ARHGEF6: variants seen among roughly 807,000 people sequenced by gnomAD.
The protein encoded by ARHGEF6 is Rac/Cdc42 guanine nucleotide exchange factor 6, also known as rho guanine nucleotide exchange factor 6.
A neutral mutation model predicts 70.3 loss-of-function variants in ARHGEF6; 9 were observed. The observed-to-expected ratio is 0.13, with a 90% CI of 0.08 to 0.22. ARHGEF6 has a LOEUF of 0.22. ARHGEF6 is among the 10% of genes least tolerant of loss of function. ARHGEF6 has a pLI of 1.00. For synonymous variants in ARHGEF6, 201 were observed against 207.8 expected, an observed-to-expected ratio of 0.97 and a Z score of 0.28; for missense variants, 470 against 563.0, an observed-to-expected ratio of 0.83 and a Z score of 1.67.
chrX:136,691,645 T>C (rs2076459358), intron 9 of ARHGEF6, among the ~76,000 whole-genome samples: 1 of 112,117 alleles, frequency 8.9e-6, no homozygotes, highest in African/African-American at 3.2e-5. Context: ...ATCCAGTCAG[T>C]CACAAATCTT....
intron 20 of ARHGEF6, among the ~76,000 whole-genome samples, chrX:136,671,067 G>A (rs908149664): frequency 2.7e-5 from 3 of 111,798 alleles, no homozygotes; most frequent in Admixed American, 9.5e-5. Context: ...AATGAATATC[G>A]TTATAATAAG....
At chrX:136,709,839 G>A (rs1208299026) in intron 7 of ARHGEF6, among the ~76,000 whole-genome samples, 3 of 111,692 alleles carry the variant, frequency 2.7e-5, no homozygotes, top group Admixed American at 9.4e-5. Context: ...GGTGGCAGTC[G>A]CCTGTAATTC....
intron 2 of ARHGEF6, among the ~76,000 whole-genome samples, chrX:136,764,437 T>C (rs1346307515): frequency 8.9e-6 from 1 of 112,103 alleles, no homozygotes; most frequent in African/African-American, 3.2e-5. Context: ...TGAAATATTA[T>C]ACAGCAAGAA....
intron 6 of ARHGEF6, among the ~76,000 whole-genome samples, chrX:136,727,887 G>C (rs768972105): frequency 9.2e-6 from 1 of 109,148 alleles, no homozygotes; most frequent in African/African-American, 3.3e-5. Context: ...GATCCCAACC[G>C]CATTTTGAAA....
At chrX:136,685,512 CAGG>C (rs2076374557) in intron 12 of ARHGEF6, among the ~76,000 whole-genome samples, 162 bp downstream of exon 12, 1 of 106,133 alleles carries the variant, frequency 9.4e-6, no homozygotes, top group African/African-American at 3.5e-5. Context: ...GAGGCTCAGG[CAGG>C]AGGATTGCTT....
intron 7 of ARHGEF6, among the ~76,000 whole-genome samples, chrX:136,712,861 C>G (rs2076700907): frequency 8.9e-6 from 1 of 112,341 alleles, no homozygotes; most frequent in Admixed American, 9.4e-5. Flanking sequence ...ATGCCATACT[C>G]TTTCCATTCT....
chrX:136,772,019 A>G (rs911368309), intron 2 of ARHGEF6, among the ~76,000 whole-genome samples: 3 of 112,359 alleles, frequency 2.7e-5, no homozygotes, highest in African/African-American at 9.7e-5. Context: ...ACTGTCCACC[A>G]ACAAATGAAT....
At chrX:136,695,929 G>C (rs1185608652) in intron 9 of ARHGEF6, among the ~76,000 whole-genome samples, 1 of 111,836 alleles carries the variant, frequency 8.9e-6, no homozygotes, top group Non-Finnish European at 1.9e-5. Context: ...TTGTATGCTT[G>C]AAATATTTTA....
chrX:136,668,527 C>CTTATTATTATTA (rs1261612900), intron 21 of ARHGEF6, among the ~76,000 whole-genome samples: 5 of 100,551 alleles, frequency 5.0e-5, no homozygotes, highest in African/African-American at 2.0e-4. Flanking sequence ...TCTTCTTCTT[C>CTTATTATTATTA]TTCTTCTTAT....
chrX:136,679,368 G>A (rs749351288), intron 16 of ARHGEF6, among the ~76,000 whole-genome samples, 167 bp downstream of exon 16: 129 of 112,162 alleles, frequency 1.2e-3, no homozygotes, highest in African/African-American at 4.0e-3. Context: ...ATGGACAATG[G>A]GAAATGGAAA....
chrX:136,721,130 TGACA>T (rs1430166473), intron 6 of ARHGEF6, among the ~76,000 whole-genome samples: 1 of 112,432 alleles, frequency 8.9e-6, no homozygotes, highest in Non-Finnish European at 1.9e-5. Flanking sequence ...TTGTGGATAT[TGACA>T]GATTCAAATT....
chrX:136,716,720 A>G (rs2076740515), intron 6 of ARHGEF6, among the ~76,000 whole-genome samples: 1 of 112,380 alleles, frequency 8.9e-6, no homozygotes, highest in Non-Finnish European at 1.9e-5. Flanking sequence ...GAAAAAGTAG[A>G]CAACGTGCAA....
At chrX:136,689,931 T>C in intron 10 of ARHGEF6, among the ~76,000 whole-genome samples, 1 of 111,743 alleles carries the variant, frequency 8.9e-6, no homozygotes, top group Non-Finnish European at 1.9e-5. Context: ...TGAAAAAATA[T>C]TCAATTATCA....
In ARHGEF6 at chrX:136,669,661, G is replaced by T. The variant is rs2076202247; in HGVS notation, c.2136-125C>A. 36 of 566,567 alleles carry T rather than the reference G, an allele frequency of 6.4e-5. No homozygotes were observed. In the South Asian group the frequency reaches 9.6e-4, roughly 15 times the overall value. The allele number at this position is 566,567 out of a possible 1,213,427, so 46.7% of individuals were successfully genotyped here. On this transcript the variant is annotated intron_variant, in intron 20 of 21. Coordinates refer to ENST00000250617, the MANE Select transcript of ARHGEF6 (RefSeq NM_004840.3). ...AAAACAGTGGACTTTCTAGCTGATT[G>T]GGAATGGTACTGCTCTAAATGGTTT...
intron 13 of ARHGEF6, 79 bp from the exon 14 acceptor site, chrX:136,682,047 T>C: frequency 1.3e-6 from 1 of 793,092 alleles, no homozygotes; most frequent in African/African-American, 2.0e-5. Context: ...TCTGACCCTC[T>C]CAGCAAGGCA....
At chrX:136,709,021 A>G (rs1284509397) in intron 7 of ARHGEF6, among the ~76,000 whole-genome samples, 1 of 112,419 alleles carries the variant, frequency 8.9e-6, no homozygotes, top group South Asian at 3.7e-4. Flanking sequence ...AGCAACAGGT[A>G]AATTAAAACA....
chrX:136,686,020 G>A (rs1026855236), intron 11 of ARHGEF6, among the ~76,000 whole-genome samples, 197 bp from the exon 12 acceptor site: 1 of 111,833 alleles, frequency 8.9e-6, no homozygotes, highest in Non-Finnish European at 1.9e-5. Context: ...AGCCCCCAAA[G>A]GTTTTGTGAG....
chrX:136,681,224 G>A (rs1223182660), intron 14 of ARHGEF6, among the ~76,000 whole-genome samples: 2 of 111,659 alleles, frequency 1.8e-5, no homozygotes, highest in Non-Finnish European at 3.8e-5. Context: ...TGGTTCCCCT[G>A]GTATCAAAGT....
chrX:136,767,194 G>GCGC (rs2077324287), intron 2 of ARHGEF6: 5 of 754,163 alleles, frequency 6.6e-6, no homozygotes, highest in South Asian at 6.8e-5. Flanking sequence ...CACTCCAGCC[G>GCGC]CGCCGCCGCC....
Sources: allele counts gnomAD v4.1 joint callset (sites outside exome capture counted in the v4.1 genomes callset), GRCh38; gene constraint gnomAD v4.1.1; transcripts MANE v1.5; gene names NCBI Gene and HGNC (gene_info 2026-07-23, HGNC 2026-07-21).